Variants in HTT-AS observed in about 807,000 individuals in gnomAD.
The protein encoded by HTT-AS is HTT antisense RNA (head to head).
At chr4:3,056,202 C>G (rs543417850) in intron 2 of HTT-AS, among the ~76,000 whole-genome samples, 1 of 152,110 alleles carries the variant, frequency 6.6e-6, no homozygotes, top group African/African-American at 2.4e-5. Flanking sequence ...AAACTTCAGC[C>G]GAATTAAATT....
At chr4:3,060,071 C>T (rs1711897981) in intron 2 of HTT-AS, among the ~76,000 whole-genome samples, 2 of 151,962 alleles carry the variant, frequency 1.3e-5, no homozygotes, top group African/African-American at 2.4e-5. Context: ...CTGGGTCTTT[C>T]GATGGTTATT....
intron 2 of HTT-AS, among the ~76,000 whole-genome samples, chr4:3,055,077 G>A (rs1711781603): frequency 1.3e-5 from 2 of 152,130 alleles, no homozygotes; most frequent in East Asian, 2.0e-4. Flanking sequence ...GGCCAGGTGT[G>A]GTGGCTCACA....
chr4:3,047,847 G>A (rs114816218), downstream of HTT-AS, among the ~76,000 whole-genome samples: 176 of 152,358 alleles, frequency 1.2e-3, 1 homozygote, highest in African/African-American at 4.1e-3. Context: ...CTAGATAGCA[G>A]TAGCAGAATT....
chr4:3,066,870 T>G (rs1346925171), intron 1 of HTT-AS, among the ~76,000 whole-genome samples: 2 of 152,190 alleles, frequency 1.3e-5, no homozygotes, highest in Non-Finnish European at 2.9e-5. Context: ...GGATGGGAAT[T>G]AGCAGAAACT....
chr4:3,049,178 C>A (rs904955591), exon 3 of HTT-AS, among the ~76,000 whole-genome samples: 3 of 152,188 alleles, frequency 2.0e-5, no homozygotes, highest in Non-Finnish European at 4.4e-5. Context: ...AATCCCAGCA[C>A]TTTGGGAGGC....
At chr4:3,064,418 CAACT>C (rs1712004664) in intron 1 of HTT-AS, among the ~76,000 whole-genome samples, 1 of 151,980 alleles carries the variant, frequency 6.6e-6, no homozygotes, top group Admixed American at 6.6e-5. Flanking sequence ...TTAAAAGAAT[CAACT>C]AACTAACCAA....
intron 2 of HTT-AS, among the ~76,000 whole-genome samples, chr4:3,054,446 A>G (rs1417849727): frequency 1.3e-5 from 2 of 152,184 alleles, no homozygotes; most frequent in African/African-American, 4.8e-5. Flanking sequence ...ATAGTTTTAC[A>G]TGCAAGGTGT....
intron 2 of HTT-AS, among the ~76,000 whole-genome samples, chr4:3,051,443 C>G (rs771592110): frequency 1.3e-5 from 2 of 151,960 alleles, no homozygotes; most frequent in Non-Finnish European, 2.9e-5. Context: ...AGTTGAGAGG[C>G]TTTTGCCTGT....
intron 2 of HTT-AS, among the ~76,000 whole-genome samples, chr4:3,060,427 T>A (rs1248664065): frequency 1.3e-5 from 2 of 152,108 alleles, no homozygotes; most frequent in African/African-American, 4.8e-5. Context: ...TCCTTCCACC[T>A]CTGAAACCCC....
At chr4:3,067,674 G>C (rs1712080715) in intron 1 of HTT-AS, among the ~76,000 whole-genome samples, 1 of 152,182 alleles carries the variant, frequency 6.6e-6, no homozygotes, top group African/African-American at 2.4e-5. Context: ...GAGATTTCAG[G>C]CTGTGGGGAA....
intron 2 of HTT-AS, among the ~76,000 whole-genome samples, chr4:3,061,744 A>G (rs1231485772): frequency 6.6e-6 from 1 of 150,860 alleles, no homozygotes; most frequent in African/African-American, 2.4e-5. Context: ...CACTTTGGGA[A>G]GCCGAGGCGG....
chr4:3,058,320 CTG>C, intron 2 of HTT-AS, among the ~76,000 whole-genome samples: 1 of 150,958 alleles, frequency 6.6e-6, no homozygotes, highest in Non-Finnish European at 1.5e-5. Context: ...GAATGAAACT[CTG>C]TCTCAAAAGA....
At chr4:3,069,293 C>G (rs1712117680) in intron 1 of HTT-AS, among the ~76,000 whole-genome samples, 2 of 151,194 alleles carry the variant, frequency 1.3e-5, no homozygotes, top group African/African-American at 4.9e-5. Flanking sequence ...TCACAGGCAC[C>G]TGCCACCACA....
At chr4:3,065,197 G>A (rs1712019532) in intron 1 of HTT-AS, among the ~76,000 whole-genome samples, 1 of 151,970 alleles carries the variant, frequency 6.6e-6, no homozygotes, top group African/African-American at 2.4e-5. Context: ...ACACGCTGGA[G>A]GGAATAATGT....
intron 1 of HTT-AS, among the ~76,000 whole-genome samples, chr4:3,066,232 C>T (rs1028487979): frequency 6.6e-6 from 1 of 152,040 alleles, no homozygotes; most frequent in East Asian, 1.9e-4. Context: ...TGCAATGGTG[C>T]GATCTCAGCT....
At chr4:3,062,666 G>T (rs1030553054) in exon 2 of HTT-AS, among the ~76,000 whole-genome samples, 1 of 151,788 alleles carries the variant, frequency 6.6e-6, no homozygotes, top group African/African-American at 2.4e-5. Context: ...TTGGCGTGTT[G>T]TTCATCACCA....
chr4:3,047,913 T>C (rs986693009), downstream of HTT-AS, among the ~76,000 whole-genome samples: 2 of 152,122 alleles, frequency 1.3e-5, no homozygotes, highest in African/African-American at 4.8e-5. Context: ...GTAGGCTGTC[T>C]CCTCTCTCTC....
intron 1 of HTT-AS, among the ~76,000 whole-genome samples, chr4:3,070,865 C>T (rs944100110): frequency 2.0e-4 from 31 of 152,124 alleles, no homozygotes; most frequent in Non-Finnish European, 2.9e-4. Context: ...GGATAAATTA[C>T]GGGAAATGTT....
chr4:3,066,384 G>C (rs1239337914), intron 1 of HTT-AS, among the ~76,000 whole-genome samples: 1 of 152,092 alleles, frequency 6.6e-6, no homozygotes, highest in Admixed American at 6.6e-5. Flanking sequence ...TGGCCAGGAT[G>C]GTCTCGATCT....
Sources: allele counts gnomAD v4.1 joint callset (sites outside exome capture counted in the v4.1 genomes callset), GRCh38; gene constraint gnomAD v4.1.1; transcripts MANE v1.5; gene names NCBI Gene and HGNC (gene_info 2026-07-23, HGNC 2026-07-21).